The following ADAMTS6 variants were observed in gnomAD, a reference collection of about 807,000 sequenced individuals.
ADAMTS6 encodes the protein ADAM metallopeptidase with thrombospondin type 1 motif 6.
In ADAMTS6, 23 loss-of-function variants were observed where a neutral mutation model predicts 144.3. That is an observed-to-expected ratio of 0.16 (90% CI 0.11 to 0.23). The LOEUF is 0.23. Ranked by LOEUF, ADAMTS6 falls within the 10% of genes least tolerant of loss-of-function variation. The pLI is 1.00. For synonymous variants in ADAMTS6, 444 were observed against 457.5 expected, an observed-to-expected ratio of 0.97 and a Z score of 0.38; for missense variants, 999 against 1,379.6, an observed-to-expected ratio of 0.72 and a Z score of 4.37.
rs1325329946 is a variant in ADAMTS6, at chr5:65,165,998, A to T, written c.3244+4619T>A. Reference sequence around the variant, plus strand: ...CTAATGAACAAAATAACCAGCTAACATCATAATGACAGGATCAAATTCACA... The same window carrying T: ...CTAATGAACAAAATAACCAGCTAACTTCATAATGACAGGATCAAATTCACA... On this transcript the variant is annotated intron_variant, in intron 24 of 24. Coordinates refer to ENST00000381055, the MANE Select transcript of ADAMTS6 (RefSeq NM_197941.4). Among the ~76,000 whole-genome samples, 37 of 146,756 alleles carry T rather than the reference A, an allele frequency of 2.5e-4. 1 individual carries two copies. Among genetic ancestry groups the T allele is most frequent in the Admixed American group, 2.5e-3 (37 of 14,686 alleles).
intron 3 of ADAMTS6, among the ~76,000 whole-genome samples, chr5:65,467,156 C>T (rs1361985691): frequency 2.7e-5 from 4 of 150,496 alleles, no homozygotes; most frequent in South Asian, 2.1e-4. Context: ...AAGACGAAAT[C>T]GGGGAAATCT....
chr5:65,305,238 T>C (rs771557621), intron 9 of ADAMTS6, among the ~76,000 whole-genome samples: 21 of 152,202 alleles, frequency 1.4e-4, no homozygotes, highest in Admixed American at 4.6e-4. Flanking sequence ...CTTTCTACTA[T>C]AGCAATATTT....
At chr5:65,326,386 G>C (rs1188696585) in intron 9 of ADAMTS6, among the ~76,000 whole-genome samples, 2 of 152,078 alleles carry the variant, frequency 1.3e-5, no homozygotes, top group Non-Finnish European at 2.9e-5. Flanking sequence ...TTTTTCATTT[G>C]ACAAGGAAAT....
At chr5:65,448,597 C>T (rs11748932) in intron 7 of ADAMTS6, among the ~76,000 whole-genome samples, 12,089 of 151,962 alleles carry the variant, frequency 0.08, 562 homozygotes, top group Non-Finnish European at 0.11. Context: ...GGACTACAGG[C>T]GCCCGCAACC....
At chr5:65,249,950 G>A (rs960316973) in intron 14 of ADAMTS6, among the ~76,000 whole-genome samples, 1 of 151,760 alleles carries the variant, frequency 6.6e-6, no homozygotes, top group African/African-American at 2.4e-5. Context: ...AATGTCTAAG[G>A]TGACCCAATT....
At chr5:65,372,480 T>A (rs1226016931) in intron 7 of ADAMTS6, among the ~76,000 whole-genome samples, 2 of 151,582 alleles carry the variant, frequency 1.3e-5, no homozygotes, top group Non-Finnish European at 2.9e-5. Flanking sequence ...AAACAGACTT[T>A]AAACCAACAA....
intron 7 of ADAMTS6, among the ~76,000 whole-genome samples, chr5:65,448,055 A>G (rs866096722): frequency 6.7e-6 from 1 of 150,330 alleles, no homozygotes. Flanking sequence ...GTTATTCATT[A>G]TATTATATAT....
intron 24 of ADAMTS6, among the ~76,000 whole-genome samples, chr5:65,164,574 G>A (rs1157024661): frequency 4.0e-5 from 6 of 148,352 alleles, no homozygotes; most frequent in Non-Finnish European, 9.0e-5. Context: ...CACCTCTGGG[G>A]GCAGGGCACA....
chr5:65,237,260 C>T (rs2112469314), intron 15 of ADAMTS6, among the ~76,000 whole-genome samples: 1 of 151,438 alleles, frequency 6.6e-6, no homozygotes, highest in East Asian at 1.9e-4. Flanking sequence ...TTAATTTGCC[C>T]AGCGTGGTGC....
At chr5:65,452,462 T>TAAAAAAAAA (rs397976555) in intron 5 of ADAMTS6, among the ~76,000 whole-genome samples, 1 of 137,644 alleles carries the variant, frequency 7.3e-6, no homozygotes. Context: ...TGTTTCAAGT[T>TAAAAAAAAA]AAAAAAAAAA....
At chr5:65,212,657 C>A (rs1324717895) in intron 20 of ADAMTS6, among the ~76,000 whole-genome samples, 3 of 151,928 alleles carry the variant, frequency 2.0e-5, no homozygotes, top group African/African-American at 7.3e-5. Flanking sequence ...ATTGAAGGAA[C>A]ATTAAGAATT....
In ADAMTS6 at chr5:65,284,700, C is replaced by G. The variant is rs889941756; in HGVS notation, c.1512+6629G>C. ...TAATTGAGGTAAGTAGAAGAGAAAA[C>G]TTTCAAGTTTGGTGATCTGTAAGTA... On this transcript the variant is annotated intron_variant, in intron 11 of 24. Coordinates refer to ENST00000381055, the MANE Select transcript of ADAMTS6 (RefSeq NM_197941.4). Among the ~76,000 whole-genome samples the G allele has an allele frequency of 4.6e-5, 7 of 152,030 alleles. No individual in the cohort carries two copies. The East Asian group carries it at 5.8e-4, about 13-fold the overall frequency.
chr5:65,468,016 T>G (rs969993721), intron 3 of ADAMTS6, among the ~76,000 whole-genome samples: 1 of 151,590 alleles, frequency 6.6e-6, no homozygotes, highest in African/African-American at 2.4e-5. Flanking sequence ...GAAACGATAT[T>G]TTTTTTCGCA....
At chr5:65,427,603 C>T (rs553772127) in intron 7 of ADAMTS6, among the ~76,000 whole-genome samples, 39 of 151,764 alleles carry the variant, frequency 2.6e-4, no homozygotes, top group South Asian at 1.0e-3. Flanking sequence ...TCGAGACCAT[C>T]GTGGCTAACA....
chr5:65,454,884 A>G (rs1759058787), intron 4 of ADAMTS6, among the ~76,000 whole-genome samples: 1 of 152,240 alleles, frequency 6.6e-6, no homozygotes. Flanking sequence ...GGTTAAGCAG[A>G]TGACCCATCC....
At chr5:65,464,905 T>C (rs886973846) in intron 3 of ADAMTS6, among the ~76,000 whole-genome samples, 4 of 152,192 alleles carry the variant, frequency 2.6e-5, no homozygotes, top group Non-Finnish European at 5.9e-5. Flanking sequence ...CTTTTCACTG[T>C]CCTTCACCCA....
At chr5:65,390,095 T>C (rs1379150939) in intron 7 of ADAMTS6, among the ~76,000 whole-genome samples, 2 of 152,174 alleles carry the variant, frequency 1.3e-5, no homozygotes, top group Admixed American at 6.5e-5. Flanking sequence ...AAAAAAACTA[T>C]TTAGTTTTAT....
At chr5:65,283,353 T>C (rs1328953875) in intron 11 of ADAMTS6, among the ~76,000 whole-genome samples, 6 of 151,878 alleles carry the variant, frequency 4.0e-5, no homozygotes, top group South Asian at 4.1e-4. Context: ...GATCCTAGAA[T>C]GGCAAAAAAC....
intron 4 of ADAMTS6, among the ~76,000 whole-genome samples, chr5:65,454,596 A>G (rs912511594): frequency 2.0e-5 from 3 of 152,152 alleles, no homozygotes; most frequent in Admixed American, 1.3e-4. Context: ...TTTCTAACTA[A>G]CAGAATACAG....
Sources: gnomAD v4.1 joint callset for allele counts (sites outside exome capture counted in the v4.1 genomes callset) on GRCh38, gnomAD v4.1.1 for gene constraint, MANE v1.5 for transcripts, NCBI Gene and HGNC (gene_info 2026-07-23, HGNC 2026-07-21) for gene names.